The following GLIS3 variants were observed in gnomAD, a reference collection of about 807,000 sequenced individuals.
The protein encoded by GLIS3 is zinc finger protein GLIS3.
GLIS3 carries 53 observed loss-of-function variants against 78.6 expected under a neutral mutation model. The observed-to-expected ratio is 0.67, with a 90% confidence interval of 0.54 to 0.85. The LOEUF (loss-of-function observed/expected upper bound fraction) is 0.85, where lower values mean the gene tolerates loss of function less well. Ranked by LOEUF, GLIS3 falls within the 40% of genes least tolerant of loss-of-function variation. The pLI is 0.00. For synonymous variants in GLIS3, 684 were observed against 509.9 expected (o/e 1.34, Z -4.60); for missense variants, 1,703 against 1,231.1 (o/e 1.38, Z -5.74).
At chr9:4,326,163 A>C (rs10974462) in intron 2 of GLIS3, among the ~76,000 whole-genome samples, 1 of 152,178 alleles carries the variant, frequency 6.6e-6, no homozygotes, top group African/African-American at 2.4e-5. Context: ...ACATTTACCT[A>C]TGTAACAAAC....
intron 2 of GLIS3, among the ~76,000 whole-genome samples, chr9:4,226,553 G>C (rs1343061766): frequency 2.0e-5 from 3 of 152,130 alleles, no homozygotes; most frequent in Non-Finnish European, 4.4e-5. Context: ...TGGTAAGGTG[G>C]AGCTAAGCAG....
At chr9:4,329,607 C>G (rs756550454) in intron 2 of GLIS3, among the ~76,000 whole-genome samples, 2 of 152,086 alleles carry the variant, frequency 1.3e-5, no homozygotes, top group Non-Finnish European at 2.9e-5. Context: ...CAACCCCACC[C>G]TCTATCTCTA....
intron 2 of GLIS3, among the ~76,000 whole-genome samples, chr9:4,204,112 A>C (rs1424136974): frequency 1.3e-5 from 2 of 152,218 alleles, no homozygotes; most frequent in East Asian, 3.8e-4. Context: ...AATTACTTAA[A>C]AAAGAGATTA....
intron 6 of GLIS3, among the ~76,000 whole-genome samples, chr9:3,913,870 C>A (rs1293653059): frequency 2.6e-5 from 4 of 152,120 alleles, no homozygotes; most frequent in South Asian, 4.2e-4. Context: ...CTTCTTTTCA[C>A]ATGAAAGGTA....
At chr9:4,276,935 G>T (rs1475431881) in intron 2 of GLIS3, among the ~76,000 whole-genome samples, 1 of 152,068 alleles carries the variant, frequency 6.6e-6, no homozygotes, top group Non-Finnish European at 1.5e-5. Flanking sequence ...GTTATTTTTG[G>T]AAACTTTTAT....
intron 2 of GLIS3, among the ~76,000 whole-genome samples, chr9:4,279,222 C>A: frequency 6.8e-6 from 1 of 147,860 alleles, no homozygotes; most frequent in Middle Eastern, 3.6e-3. Context: ...TGCTTGAACC[C>A]AGGAGGCAGA....
rs372580351 is a variant in GLIS3 at position 3,854,274 on chromosome 9, T to G, written c.2473+1735A>C. 2.6e-5 allele frequency among the ~76,000 whole-genome samples: 4 copies of G among 152,330 alleles called. No homozygotes were observed. The South Asian group carries it at 8.3e-4, about 32-fold the overall frequency. ...TTGTGCACAGTAGGTACTCAAGAAGTATTTCTTGGTTGAATAAATACATAA... is the reference window on the plus strand; with the variant it reads ...TTGTGCACAGTAGGTACTCAAGAAGGATTTCTTGGTTGAATAAATACATAA... On this transcript the variant is annotated intron_variant, in intron 9 of 10. Coordinates refer to ENST00000381971, the MANE Select transcript of GLIS3 (RefSeq NM_001042413.2).
chr9:4,001,862 C>G (rs1312339276), intron 4 of GLIS3, among the ~76,000 whole-genome samples: 1 of 152,174 alleles, frequency 6.6e-6, no homozygotes, highest in Non-Finnish European at 1.5e-5. Flanking sequence ...GGTCTCTATC[C>G]TTTGGTGGGA....
intron 2 of GLIS3, among the ~76,000 whole-genome samples, chr9:4,311,172 G>T (rs146158994): frequency 1.3e-5 from 2 of 152,214 alleles, no homozygotes; most frequent in Non-Finnish European, 2.9e-5. Context: ...ACTTTGGGAG[G>T]CTGAGGCAGG....
chr9:4,161,780 A>G (rs927175508), intron 2 of GLIS3, among the ~76,000 whole-genome samples: 4 of 149,816 alleles, frequency 2.7e-5, no homozygotes, highest in Non-Finnish European at 5.9e-5. Flanking sequence ...CCAGGTTCCA[A>G]GCAATCCTCC....
intron 8 of GLIS3, among the ~76,000 whole-genome samples, chr9:3,872,733 A>T (rs1353296138): frequency 2.6e-5 from 4 of 152,248 alleles, no homozygotes; most frequent in African/African-American, 9.6e-5. Flanking sequence ...GCGGACACAC[A>T]GCCAAACTAT....
chr9:4,461,814 T>C, the GLIS3 span, among the ~76,000 whole-genome samples: 1 of 152,240 alleles, frequency 6.6e-6, no homozygotes, highest in African/African-American at 2.4e-5. Flanking sequence ...AGTGGAGCTA[T>C]ATGATGGACA....
rs145995380 is a variant in GLIS3, at chr9:3,851,428, C to T, written c.2473+4581G>A. ...CCCGTAAATACTACCAAGATTCAAACATTAAAGGAAATTATACCTCATTCC... is the reference window on the plus strand; with the variant it reads ...CCCGTAAATACTACCAAGATTCAAATATTAAAGGAAATTATACCTCATTCC... On this transcript the variant is annotated intron_variant, in intron 9 of 10. Transcript: ENST00000381971. Among the ~76,000 whole-genome samples, 15 of 152,294 alleles carry T rather than the reference C, an allele frequency of 9.8e-5. No homozygotes were observed. In the East Asian group the frequency reaches 2.9e-3, roughly 29 times the overall value.
chr9:4,159,124 A>C (rs1835277776), intron 2 of GLIS3, among the ~76,000 whole-genome samples: 1 of 151,822 alleles, frequency 6.6e-6, no homozygotes, highest in African/African-American at 2.4e-5. Context: ...CACCAGTCTC[A>C]ACTTTAGACT....
intron 2 of GLIS3, among the ~76,000 whole-genome samples, chr9:4,258,736 GT>G (rs1250349857): frequency 6.6e-6 from 1 of 152,044 alleles, no homozygotes; most frequent in Non-Finnish European, 1.5e-5. Flanking sequence ...TTATTGATTT[GT>G]TTTATTAATT....
chr9:4,155,441 G>A (rs908937641), intron 2 of GLIS3, among the ~76,000 whole-genome samples: 7 of 152,108 alleles, frequency 4.6e-5, no homozygotes, highest in African/African-American at 1.7e-4. Flanking sequence ...GCAGTTGTGC[G>A]GTGTGACTGC....
At chr9:3,854,146 G>T (rs376805091) in intron 9 of GLIS3, among the ~76,000 whole-genome samples, 14 of 152,300 alleles carry the variant, frequency 9.2e-5, no homozygotes, top group Admixed American at 8.5e-4. Context: ...AGGGGACCTG[G>T]TTCTCTTTCA....
At chr9:3,869,297 AAG>A in intron 8 of GLIS3, among the ~76,000 whole-genome samples, 1 of 140,972 alleles carries the variant, frequency 7.1e-6, no homozygotes, top group East Asian at 2.0e-4. Flanking sequence ...GTGTGTGTAA[AAG>A]CTGAGTGGTT....
At chr9:4,023,663 A>G (rs1238587336) in intron 4 of GLIS3, among the ~76,000 whole-genome samples, 5 of 152,216 alleles carry the variant, frequency 3.3e-5, no homozygotes, top group Admixed American at 2.0e-4. Flanking sequence ...AAGACAAAGG[A>G]TAAGGGGAAA....
Sources: allele counts gnomAD v4.1 joint callset (sites outside exome capture counted in the v4.1 genomes callset), GRCh38; gene constraint gnomAD v4.1.1; transcripts MANE v1.5; gene names NCBI Gene and HGNC (gene_info 2026-07-23, HGNC 2026-07-21).